Variants in DYRK1A observed in about 807,000 individuals in gnomAD.
DYRK1A encodes dual specificity tyrosine-phosphorylation-regulated kinase 1A.
Under a neutral mutation model 79.7 loss-of-function variants are expected in DYRK1A, and 9 were observed. The observed-to-expected ratio is 0.11, with a 90% CI of 0.07 to 0.20. The LOEUF is 0.20. DYRK1A is among the 10% of genes least tolerant of loss of function. The pLI is 1.00. For synonymous variants in DYRK1A, 349 were observed against 329.7 expected, an observed-to-expected ratio of 1.06 and a Z score of -0.63; for missense variants, 622 against 956.0, an observed-to-expected ratio of 0.65 and a Z score of 4.61.
At chr21:37,452,757 G>GTTTTT (rs35209884) in intron 2 of DYRK1A, among the ~76,000 whole-genome samples, 6 of 96,548 alleles carry the variant, frequency 6.2e-5, no homozygotes, top group African/African-American at 7.9e-5. Flanking sequence ...TCACACTCCC[G>GTTTTT]TTTTTTTTTT....
intron 1 of DYRK1A, among the ~76,000 whole-genome samples, chr21:37,405,652 G>A (rs2050133509): frequency 6.6e-6 from 1 of 152,174 alleles, no homozygotes; most frequent in African/African-American, 2.4e-5. Context: ...TCAAATATCA[G>A]AAAGGTTATT....
In DYRK1A at chr21:37,515,897, T is replaced by C. The variant is rs967418713; in HGVS notation, c.*3366T>C. On this transcript the variant is annotated 3_prime_UTR_variant, in exon 12 of 12. Coordinates refer to ENST00000647188, the MANE Select transcript of DYRK1A (RefSeq NM_001347721.2). ...AAAATCATGAAAGATTCAGTAATTA[T>C]GTTAGGCTCACAAGTGACCATTGAG... 4 of 152,312 alleles carry C rather than the reference T, an allele frequency of 2.6e-5. No homozygotes were observed. Among genetic ancestry groups the C allele is most frequent in the African/African-American group, 9.6e-5 (4 of 41,578 alleles). The allele number at this position is 152,312 out of a possible 1,614,324, so 9.4% of individuals were successfully genotyped here.
intron 2 of DYRK1A, 29 bp from the exon 3 acceptor site, chr21:37,472,655 T>C (rs2052263692): frequency 1.3e-6 from 2 of 1,523,796 alleles, no homozygotes; most frequent in South Asian, 2.5e-5. Context: ...TATGAATATT[T>C]CCTTTAAACC....
rs184509751 is a variant in DYRK1A at position 37,424,051 on chromosome 21, C to A, written c.10+3667C>A. Among the ~76,000 whole-genome samples, 17 of 152,188 alleles carry A rather than the reference C, an allele frequency of 1.1e-4. No homozygotes were observed. The East Asian group carries it at 2.9e-3, about 26-fold the overall frequency. On this transcript the variant is annotated intron_variant, in intron 2 of 11. Coordinates refer to ENST00000647188, the MANE Select transcript of DYRK1A (RefSeq NM_001347721.2). ...GAAATCAGATCTGTAAATTACAAAA[C>A]CCCAACTTTTAAAATCCCATCATAT...
rs992416138 is a variant in DYRK1A, at chr21:37,430,327, C to T, written c.10+9943C>T. Reference sequence around the variant, plus strand: ...TGGAAGAACATAGTGTATTAAGACTCATGGAGAGGGAGATGTGATACTGTG... The same window carrying T: ...TGGAAGAACATAGTGTATTAAGACTTATGGAGAGGGAGATGTGATACTGTG... On this transcript the variant is annotated intron_variant, in intron 2 of 11. Coordinates refer to ENST00000647188, the MANE Select transcript of DYRK1A (RefSeq NM_001347721.2). 9.2e-6 allele frequency: 9 copies of T among 980,388 alleles called. No individual in the cohort carries two copies. The South Asian group carries it at 1.4e-4, about 15-fold the overall frequency. 60.7% of individuals were successfully genotyped at this position (980,388 alleles called of 1,614,324 possible). A position where few individuals can be genotyped will look rare whatever the true frequency, so the allele number is the denominator to read the frequency against.
At chr21:37,408,174 T>C (rs2050182474) in intron 1 of DYRK1A, among the ~76,000 whole-genome samples, 1 of 152,260 alleles carries the variant, frequency 6.6e-6, no homozygotes, top group Non-Finnish European at 1.5e-5. Flanking sequence ...GGTATGTTTG[T>C]AAGCTCTCTT....
chr21:37,484,949 A>G (rs998621167), intron 5 of DYRK1A, among the ~76,000 whole-genome samples: 2 of 152,164 alleles, frequency 1.3e-5, no homozygotes, highest in African/African-American at 4.8e-5. Flanking sequence ...TATCTTCTGT[A>G]TAGACTTGGT....
At chr21:37,445,884 C>G (rs771961133) in intron 2 of DYRK1A, among the ~76,000 whole-genome samples, 19 of 152,312 alleles carry the variant, frequency 1.2e-4, no homozygotes, top group Non-Finnish European at 1.9e-4. Flanking sequence ...TGGCTTATGC[C>G]TGTAATCCCA....
At chr21:37,494,147 C>A (rs1258622057) in intron 8 of DYRK1A, among the ~76,000 whole-genome samples, 1 of 151,902 alleles carries the variant, frequency 6.6e-6, no homozygotes, top group Admixed American at 6.5e-5. Flanking sequence ...CCGTCTCAGC[C>A]TCCCAAAGTG....
intron 1 of DYRK1A, among the ~76,000 whole-genome samples, chr21:37,403,374 G>C (rs1468015289): frequency 6.6e-6 from 1 of 151,840 alleles, no homozygotes; most frequent in Non-Finnish European, 1.5e-5. Flanking sequence ...ACATGGGGTT[G>C]GTGTTTTACT....
intron 2 of DYRK1A, among the ~76,000 whole-genome samples, chr21:37,438,969 C>T (rs2051008014): frequency 6.6e-6 from 1 of 152,024 alleles, no homozygotes; most frequent in African/African-American, 2.4e-5. Context: ...CTATTTAGCC[C>T]TTTCTCTCAT....
intron 2 of DYRK1A, among the ~76,000 whole-genome samples, chr21:37,447,814 G>A (rs1017246130): frequency 2.0e-5 from 3 of 152,300 alleles, no homozygotes; most frequent in Admixed American, 6.5e-5. Context: ...GCTAAGTCAG[G>A]AAGTGTGGCT....
rs1314960916 is a variant in DYRK1A at position 37,374,168 on chromosome 21, G to T, written c.-77+6540G>T. On this transcript the variant is annotated intron_variant, in intron 1 of 11. Transcript: ENST00000647188. The stretch of plus-strand genomic sequence containing the variant: ...ATCACGTAAGCAATATTTGAAATCT[G>T]AGCTTTTGCATTTAGTGTTAATAGT... Among the ~76,000 whole-genome samples the T allele has an allele frequency of 2.0e-5, 3 of 151,990 alleles. No homozygotes were observed. The East Asian group carries it at 5.8e-4, about 29-fold the overall frequency.
chr21:37,433,044 AATAT>A (rs1555964567), intron 2 of DYRK1A, among the ~76,000 whole-genome samples: 216 of 140,518 alleles, frequency 1.5e-3, no homozygotes, highest in African/African-American at 5.4e-3. Context: ...AGGAATTCTA[AATAT>A]ATATATATAT....
chr21:37,441,741 A>G (rs1440786777), intron 2 of DYRK1A, among the ~76,000 whole-genome samples: 2 of 152,090 alleles, frequency 1.3e-5, no homozygotes, highest in African/African-American at 4.8e-5. Context: ...CTTACACTAC[A>G]TTACTATTAT....
At position 37,514,878 on chromosome 21, in the gene DYRK1A, C is replaced by G. The variant is rs768709591; in HGVS notation, c.*2347C>G. On this transcript the variant is annotated 3_prime_UTR_variant, in exon 12 of 12. Coordinates refer to ENST00000647188, the MANE Select transcript of DYRK1A (RefSeq NM_001347721.2). ...CTGGTTGCCACATCTTAGCAAGCAC[C>G]AAAAAACTAAAGCAGTTTTTAAACC... The G allele has an allele frequency of 2.6e-5, 4 of 152,306 alleles. No individual in the cohort carries two copies. Among genetic ancestry groups the G allele is most frequent in the African/African-American group, 4.8e-5 (2 of 41,342 alleles). 9.4% of individuals were successfully genotyped at this position (152,306 alleles called of 1,614,324 possible).
chr21:37,428,648 T>A (rs1488530883), intron 2 of DYRK1A, among the ~76,000 whole-genome samples: 1 of 152,212 alleles, frequency 6.6e-6, no homozygotes, highest in African/African-American at 2.4e-5. Flanking sequence ...TAGGAATAAT[T>A]TGATGGGATT....
chr21:37,519,736 G>GTTTTTTTTTTTTTTTTTTTTTTT lies in DYRK1A; in HGVS notation c.*7206_*7228dup, dbSNP rs10590534. Reference sequence around the variant, plus strand: ...AGAGTTTTGAGGTTTGTTGTGGGAAGTTTTTTTTTTTTTTTTTTTTTTTGA... The same window carrying GTTTTTTTTTTTTTTTTTTTTTTT: ...AGAGTTTTGAGGTTTGTTGTGGGAAGTTTTTTTTTTTTTTTTTTTTTTTTTTTTTTTTTTTTTTTTTTTTTTGA... On this transcript the variant is annotated 3_prime_UTR_variant, in exon 12 of 12. Coordinates refer to ENST00000647188, the MANE Select transcript of DYRK1A (RefSeq NM_001347721.2). The GTTTTTTTTTTTTTTTTTTTTTTT allele has an allele frequency of 5.8e-5, 5 of 85,802 alleles. No individual in the cohort carries two copies. Among genetic ancestry groups the GTTTTTTTTTTTTTTTTTTTTTTT allele is most frequent in the African/African-American group, 2.4e-4 (5 of 20,580 alleles). 5.3% of individuals were successfully genotyped at this position (85,802 alleles called of 1,614,324 possible).
At chr21:37,508,751 A>G (rs963929313) in intron 11 of DYRK1A, among the ~76,000 whole-genome samples, 8 of 151,808 alleles carry the variant, frequency 5.3e-5, no homozygotes, top group African/African-American at 1.9e-4. Context: ...ACTTTGTGTA[A>G]TATGCCACAT....
Sources: gnomAD v4.1 joint callset for allele counts (sites outside exome capture counted in the v4.1 genomes callset) on GRCh38, gnomAD v4.1.1 for gene constraint, MANE v1.5 for transcripts, NCBI Gene and HGNC (gene_info 2026-07-23, HGNC 2026-07-21) for gene names.